The following JAK1 variants were observed in gnomAD, a reference collection of about 807,000 sequenced individuals.
The protein encoded by JAK1 is tyrosine-protein kinase JAK1.
Under a neutral mutation model 136.6 loss-of-function variants are expected in JAK1, and 16 were observed. The observed-to-expected ratio is 0.12, with a 90% CI of 0.08 to 0.18. The LOEUF is 0.18. Ranked by LOEUF, JAK1 falls within the 10% of genes least tolerant of loss-of-function variation. JAK1 has a pLI of 1.00. For missense variants in JAK1, 859 were observed against 1,450.1 expected (o/e 0.59, Z 6.62); for synonymous variants, 492 against 519.5 (o/e 0.95, Z 0.72).
intron 13 of JAK1, 86 bp from the exon 14 acceptor site, chr1:64,846,822 G>C: frequency 9.6e-7 from 1 of 1,041,606 alleles, no homozygotes; most frequent in Non-Finnish European, 1.5e-6. Flanking sequence ...AAAGCCAGTG[G>C]ACCCAGGAAA....
intron 2 of JAK1, among the ~76,000 whole-genome samples, chr1:65,042,746 A>C (rs1647146652): frequency 6.6e-6 from 1 of 152,164 alleles, no homozygotes; most frequent in African/African-American, 2.4e-5. Flanking sequence ...TTCTTGGTCT[A>C]CAGAGAACTA....
chr1:64,898,811 T>G lies in JAK1; in HGVS notation c.-77-12470A>C, dbSNP rs115815294. On this transcript the variant is annotated intron_variant, in intron 1 of 24. Transcript: ENST00000342505. Reference sequence around the variant, plus strand: ...CAGCCAGGTGCTCCCTGAACATTTCTGGGCCTGGCCAAAACTGTGCTTGTT... The same window carrying G: ...CAGCCAGGTGCTCCCTGAACATTTCGGGGCCTGGCCAAAACTGTGCTTGTT... 3.1e-3 allele frequency among the ~76,000 whole-genome samples: 471 copies of G among 152,324 alleles called. 2 individuals are homozygous for G. The highest frequency in any genetic ancestry group is 0.011 in the African/African-American group (442 of 41,570).
chr1:65,037,197 A>G (rs1439338282), intron 2 of JAK1, among the ~76,000 whole-genome samples: 1 of 152,250 alleles, frequency 6.6e-6, no homozygotes, highest in Admixed American at 6.5e-5. Context: ...CTCAAAAAGA[A>G]AAAGAAAAAC....
At chr1:64,883,511 C>G (rs1644807439) in intron 2 of JAK1, 36 bp from the exon 3 acceptor site, 1 of 1,571,376 alleles carries the variant, frequency 6.4e-7, no homozygotes, top group Admixed American at 1.7e-5. Context: ...TGTGGTCACT[C>G]TATGTGCTAA....
At chr1:64,930,547 G>C (rs1387211947) in intron 1 of JAK1, among the ~76,000 whole-genome samples, 2 of 152,202 alleles carry the variant, frequency 1.3e-5, no homozygotes, top group African/African-American at 4.8e-5. Flanking sequence ...TATGCTGTTG[G>C]TGGGAGTATA....
rs965050689 is a variant in JAK1 at position 64,838,938 on chromosome 1, G to T, written c.2843-349C>A. 7.2e-5 allele frequency among the ~76,000 whole-genome samples: 11 copies of T among 151,964 alleles called. No individual in the cohort carries two copies. The South Asian group carries it at 2.1e-3, about 29-fold the overall frequency. On this transcript the variant is annotated intron_variant, in intron 20 of 24. Transcript: ENST00000342505. ...AGGCGGGCGGATCACGAGGTCAGGAGATCGAGACCATCCTGGCTAACACGG... is the reference window on the plus strand; with the variant it reads ...AGGCGGGCGGATCACGAGGTCAGGATATCGAGACCATCCTGGCTAACACGG...
At chr1:65,067,365 G>C (rs1200119122) in intron 1 of JAK1, among the ~76,000 whole-genome samples, 1 of 149,310 alleles carries the variant, frequency 6.7e-6, no homozygotes, top group Non-Finnish European at 1.5e-5. Flanking sequence ...AGCCTCGCCG[G>C]AGCCGCTCTG....
chr1:64,915,607 G>A (rs1175792058), intron 1 of JAK1, among the ~76,000 whole-genome samples: 1 of 152,214 alleles, frequency 6.6e-6, no homozygotes, highest in Non-Finnish European at 1.5e-5. Context: ...TATCTGTGCT[G>A]TGTCCAGTAC....
At chr1:64,882,124 C>G (rs144700750) in intron 3 of JAK1, among the ~76,000 whole-genome samples, 54 of 152,230 alleles carry the variant, frequency 3.5e-4, no homozygotes, top group East Asian at 1.5e-3. Context: ...CCATTTTATT[C>G]TGTGTCAGGT....
At chr1:64,976,413 T>C (rs1164965722) in intron 2 of JAK1, among the ~76,000 whole-genome samples, 2 of 152,228 alleles carry the variant, frequency 1.3e-5, no homozygotes, top group Admixed American at 1.3e-4. Flanking sequence ...TTGCAATTCC[T>C]GCAGATCAAG....
At chr1:65,009,152 A>G (rs1646827319) in intron 2 of JAK1, among the ~76,000 whole-genome samples, 1 of 152,240 alleles carries the variant, frequency 6.6e-6, no homozygotes, top group African/African-American at 2.4e-5. Context: ...TAGCCATCCT[A>G]TAGAATTTAA....
chr1:64,920,381 A>G, intron 1 of JAK1, among the ~76,000 whole-genome samples: 1 of 152,156 alleles, frequency 6.6e-6, no homozygotes, highest in East Asian at 1.9e-4. Context: ...CTCTACATAA[A>G]ACATAAAAAT....
At chr1:64,872,758 T>C (rs1489156172) in intron 5 of JAK1, among the ~76,000 whole-genome samples, 1 of 152,084 alleles carries the variant, frequency 6.6e-6, no homozygotes, top group African/African-American at 2.4e-5. Context: ...ATAAAAAAAA[T>C]CAGATGAATA....
rs781131726 is a variant in JAK1, at chr1:64,838,508, A to G, written c.2924T>C (p.Ile975Thr). The G allele has an allele frequency of 2.5e-6, 4 of 1,613,974 alleles. No individual in the cohort carries two copies. In the South Asian group the frequency reaches 4.4e-5, roughly 18 times the overall value. Residue 975 changes from isoleucine to threonine, a missense_variant, in exon 21 of 25, where the codon ATA (isoleucine) becomes ACA (threonine). Ile to Thr is a moderately conservative substitution (Grantham distance 89). This residue lies in a region of JAK1 where 409 missense variants were observed against 753.8 expected (regional missense o/e 0.54). Transcript: ENST00000342505. ...ATATTTTAGCTGCTGTTTGAGGTTTATTTTGTTCTTATTCTTTGGAAGATA... is the reference window on the plus strand; with the variant it reads ...ATATTTTAGCTGCTGTTTGAGGTTTGTTTTGTTCTTATTCTTTGGAAGATA... Reference protein sequence around the residue: ...KEYLPKNKNKINLKQQLKYAV... With the variant: ...KEYLPKNKNKTNLKQQLKYAV...
At chr1:64,868,244 T>C (rs1656833159) in intron 6 of JAK1, among the ~76,000 whole-genome samples, 1 of 152,074 alleles carries the variant, frequency 6.6e-6, no homozygotes, top group Non-Finnish European at 1.5e-5. Context: ...AAGAAGAACG[T>C]TGAGTACCCC....
intron 1 of JAK1, among the ~76,000 whole-genome samples, chr1:65,050,161 T>C (rs1169972587): frequency 6.6e-6 from 1 of 152,154 alleles, no homozygotes; most frequent in Non-Finnish European, 1.5e-5. Context: ...CATAGTACAC[T>C]AGTTTTCTAC....
intron 1 of JAK1, among the ~76,000 whole-genome samples, chr1:64,926,615 T>C (rs1645587599): frequency 1.3e-5 from 2 of 152,182 alleles, no homozygotes; most frequent in African/African-American, 4.8e-5. Context: ...TGAATGCTTA[T>C]GACTTGATGT....
intron 1 of JAK1, among the ~76,000 whole-genome samples, chr1:64,933,004 A>T (rs2100460379): frequency 6.6e-6 from 1 of 152,332 alleles, no homozygotes; most frequent in Admixed American, 6.5e-5. Context: ...CAAGTACAGA[A>T]CCTCCGAGAA....
intron 19 of JAK1, among the ~76,000 whole-genome samples, chr1:64,840,494 G>A (rs1456418803): frequency 2.6e-5 from 4 of 152,144 alleles, no homozygotes; most frequent in Non-Finnish European, 5.9e-5. Context: ...CCAAAGAAAC[G>A]CTGACACTCT....
Sources: gnomAD v4.1 joint callset for allele counts (sites outside exome capture counted in the v4.1 genomes callset) on GRCh38, gnomAD v4.1.1 for gene constraint, gnomAD v4.1.1 regional missense constraint, MANE v1.5 for transcripts, NCBI Gene and HGNC (gene_info 2026-07-23, HGNC 2026-07-21) for gene names.